The following CSMD1 variants were observed in gnomAD, a reference collection of about 807,000 sequenced individuals.
The protein encoded by CSMD1 is CUB and sushi domain-containing protein 1.
A neutral mutation model predicts 417.5 loss-of-function variants in CSMD1; 213 were observed. The observed-to-expected ratio is 0.51, with a 90% CI of 0.46 to 0.57. CSMD1 has a LOEUF of 0.57. Ranked by LOEUF, CSMD1 falls within the 20% of genes least tolerant of loss-of-function variation. The pLI is 0.00. For missense variants in CSMD1, 6,923 were observed against 4,529.7 expected, an observed-to-expected ratio of 1.53 and a Z score of -15.17; for synonymous variants, 2,862 against 1,736.8, an observed-to-expected ratio of 1.65 and a Z score of -16.11.
chr8:4,255,147 G>C (rs1028832235), intron 3 of CSMD1, among the ~76,000 whole-genome samples: 2 of 152,176 alleles, frequency 1.3e-5, no homozygotes, highest in African/African-American at 4.8e-5. Flanking sequence ...CATTAAAAGA[G>C]ATGATACATA....
At chr8:4,129,485 G>C (rs1398930685) in intron 3 of CSMD1, among the ~76,000 whole-genome samples, 1 of 152,234 alleles carries the variant, frequency 6.6e-6, no homozygotes, top group African/African-American at 2.4e-5. Flanking sequence ...TTTGTATTGT[G>C]AAAAAGTCTA....
chr8:4,561,940 A>T (rs746917343), intron 2 of CSMD1, among the ~76,000 whole-genome samples: 34 of 152,176 alleles, frequency 2.2e-4, no homozygotes, highest in Non-Finnish European at 4.4e-4. Flanking sequence ...AGGCGTTTAG[A>T]CACTGCCAGC....
intron 1 of CSMD1, among the ~76,000 whole-genome samples, chr8:4,663,094 G>C (rs943620491): frequency 6.6e-6 from 1 of 152,188 alleles, no homozygotes; most frequent in South Asian, 2.1e-4. Flanking sequence ...CCTGAGGACA[G>C]GAGGGCCAGA....
intron 5 of CSMD1, among the ~76,000 whole-genome samples, chr8:3,879,060 G>C (rs897411601): frequency 1.3e-5 from 2 of 152,058 alleles, no homozygotes; most frequent in African/African-American, 2.4e-5. Flanking sequence ...TAAGAACAGG[G>C]ATAGCATCTG....
intron 25 of CSMD1, among the ~76,000 whole-genome samples, chr8:3,303,487 G>A (rs1435008095): frequency 6.6e-6 from 1 of 152,120 alleles, no homozygotes; most frequent in African/African-American, 2.4e-5. Flanking sequence ...TTTTTGATAT[G>A]CGTCCAATGT....
chr8:4,687,138 C>T (rs1806442152), intron 1 of CSMD1, among the ~76,000 whole-genome samples: 1 of 152,198 alleles, frequency 6.6e-6, no homozygotes, highest in African/African-American at 2.4e-5. Context: ...GACCATGGGC[C>T]AGGGAAGAGC....
intron 3 of CSMD1, among the ~76,000 whole-genome samples, chr8:4,326,127 G>T (rs1256288911): frequency 6.6e-6 from 1 of 152,104 alleles, no homozygotes; most frequent in East Asian, 1.9e-4. Context: ...TACCGTCAGC[G>T]TTTCTGAAAT....
intron 7 of CSMD1, among the ~76,000 whole-genome samples, chr8:3,628,779 A>T (rs992587642): frequency 1.3e-5 from 2 of 152,178 alleles, no homozygotes; most frequent in Non-Finnish European, 2.9e-5. Context: ...CCAAATTATT[A>T]GTGGCTTCCT....
rs999987041 is a variant in CSMD1 at position 4,017,362 on chromosome 8, A to G, written c.610+14543T>C. Reference sequence around the variant, plus strand: ...CTCTTGTTGCCCAGGCTGGAGTGCAATGGTGCGATCTTGGCTCACTACAAC... The same window carrying G: ...CTCTTGTTGCCCAGGCTGGAGTGCAGTGGTGCGATCTTGGCTCACTACAAC... On this transcript the variant is annotated intron_variant, in intron 4 of 69. Coordinates refer to ENST00000635120, the MANE Select transcript of CSMD1 (RefSeq NM_033225.6). Among the ~76,000 whole-genome samples the G allele has an allele frequency of 3.9e-5, 6 of 152,084 alleles. No homozygotes were observed. In the East Asian group the frequency reaches 1.2e-3, roughly 29 times the overall value.
chr8:3,985,490 G>C (rs1585081677), intron 5 of CSMD1, among the ~76,000 whole-genome samples: 1 of 152,072 alleles, frequency 6.6e-6, no homozygotes, highest in South Asian at 2.1e-4. Flanking sequence ...CTGCTCAGAA[G>C]TCTCCATCCC....
chr8:3,983,209 C>T (rs1320262747), intron 5 of CSMD1, among the ~76,000 whole-genome samples: 1 of 150,026 alleles, frequency 6.7e-6, no homozygotes, highest in African/African-American at 2.5e-5. Flanking sequence ...CAGCTCACTG[C>T]AAGCTCCACC....
At chr8:3,801,277 T>A (rs79694051) in intron 5 of CSMD1, among the ~76,000 whole-genome samples, 6,172 of 151,972 alleles carry the variant, frequency 0.041, 303 homozygotes, top group African/African-American at 0.12. Context: ...ACAAAAACCC[T>A]AACAATTAAA....
At chr8:4,030,280 C>T (rs72624008) in intron 4 of CSMD1, among the ~76,000 whole-genome samples, 22,235 of 152,260 alleles carry the variant, frequency 0.15, 2,285 homozygotes, top group East Asian at 0.36. Flanking sequence ...AGCAAAGGTT[C>T]TCCATGAGGA....
Position 3,730,580 on chromosome 8 carries a change from C to T in CSMD1, c.932-22089G>A, listed in dbSNP as rs138825258. Among the ~76,000 whole-genome samples, 210 of 152,238 alleles carry T rather than the reference C, an allele frequency of 1.4e-3. 1 individual carries two copies. Among genetic ancestry groups the T allele is most frequent in the African/African-American group, 4.8e-3 (200 of 41,540 alleles). On this transcript the variant is annotated intron_variant, in intron 6 of 69. Coordinates refer to ENST00000635120, the MANE Select transcript of CSMD1 (RefSeq NM_033225.6). ...CCGCCAATGAACAGCTTTGCACACA[C>T]TATATGGTTTCAGTGCCTACATGTG...
intron 1 of CSMD1, among the ~76,000 whole-genome samples, chr8:4,876,598 T>C (rs1043757634): frequency 6.6e-6 from 1 of 152,156 alleles, no homozygotes; most frequent in Non-Finnish European, 1.5e-5. Context: ...TAGCCTTTTT[T>C]TGTAAACTTA....
intron 65 of CSMD1, 32 bp from the exon 66 acceptor site, chr8:2,951,307 G>A: frequency 6.4e-7 from 1 of 1,572,750 alleles, no homozygotes; most frequent in Non-Finnish European, 8.6e-7. Flanking sequence ...ACCAATGTCA[G>A]CACACACACA....
chr8:4,388,876 AC>A (rs533083971), intron 3 of CSMD1, among the ~76,000 whole-genome samples: 1 of 152,126 alleles, frequency 6.6e-6, no homozygotes, highest in South Asian at 2.1e-4. Context: ...ATCAGCTGAA[AC>A]GTCTCCTCTT....
chr8:3,817,194 G>C (rs1282604257), intron 5 of CSMD1, among the ~76,000 whole-genome samples: 1 of 141,082 alleles, frequency 7.1e-6, no homozygotes, highest in Non-Finnish European at 1.5e-5. Context: ...CAATGAAAAT[G>C]GTCAATTGTC....
At chr8:3,510,074 T>C (rs567488173) in intron 10 of CSMD1, among the ~76,000 whole-genome samples, 1 of 152,292 alleles carries the variant, frequency 6.6e-6, no homozygotes, top group South Asian at 2.1e-4. Context: ...ATAAAGAAAA[T>C]GAATTCATTA....
Sources: allele counts gnomAD v4.1 joint callset (sites outside exome capture counted in the v4.1 genomes callset), GRCh38; gene constraint gnomAD v4.1.1; transcripts MANE v1.5; gene names NCBI Gene and HGNC (gene_info 2026-07-23, HGNC 2026-07-21).